The following KRT2 variants were observed in gnomAD, a reference collection of about 807,000 sequenced individuals.
KRT2 encodes keratin 2, also known as keratin, type II cytoskeletal 2 epidermal.
A neutral mutation model predicts 48.5 loss-of-function variants in KRT2; 37 were observed. The ratio of observed to expected loss-of-function variants is 0.76; its 90% CI spans 0.59 to 1.00. The LOEUF (loss-of-function observed/expected upper bound fraction) is 1.00, where lower values mean the gene tolerates loss of function less well. Ranked by LOEUF, KRT2 falls within the 50% of genes least tolerant of loss-of-function variation. The probability of loss-of-function intolerance (pLI) is 0.00; values close to 1 mark genes in which losing one functional copy is unlikely to be tolerated. For synonymous variants in KRT2, 324 were observed against 312.2 expected (o/e 1.04, Z -0.40); for missense variants, 880 against 815.2 (o/e 1.08, Z -0.97).
At position 52,647,797 on chromosome 12, in the gene KRT2, A is replaced by G; in HGVS notation, c.1181T>C (p.Ile394Thr). 4 of 1,614,076 alleles carry G rather than the reference A, an allele frequency of 2.5e-6. No individual in the cohort carries two copies. Among genetic ancestry groups the G allele is most frequent in the Non-Finnish European group, 3.4e-6 (4 of 1,180,002 alleles). The part of the protein sequence containing the change: ...RHGDSLKEIK[I>T]EISELNRVIQ... ...CACGCGGTTCAGCTCGCTGATCTCT[A>G]TCTTGATCTCTTTCAGGCTGTCTCC... Residue 394 changes from isoleucine to threonine, a missense_variant, in exon 6 of 9, where the codon ATA becomes ACA. Transcript: ENST00000309680.
In KRT2 at chr12:52,645,584, G is replaced by GA; in HGVS notation, c.1470-16dup. Reference sequence around the variant, plus strand: ...CTCCAGACATCCTGTAAGGGAGAGAGAAAAAACAAGTTGTGGTGGAACACT... The same window carrying GA: ...CTCCAGACATCCTGTAAGGGAGAGAGAAAAAAACAAGTTGTGGTGGAACACT... On this transcript the variant is annotated splice_polypyrimidine_tract_variant and intron_variant, in intron 7 of 8. Transcript: ENST00000309680. 6.2e-7 allele frequency: 1 copy of GA among 1,613,842 alleles called. No individual in the cohort carries two copies. Among genetic ancestry groups the GA allele is most frequent in the Non-Finnish European group, 8.5e-7 (1 of 1,179,744 alleles).
intron 7 of KRT2, 50 bp from the exon 8 acceptor site, chr12:52,645,619 T>C (rs767671794): frequency 2.5e-6 from 4 of 1,592,778 alleles, no homozygotes; most frequent in African/African-American, 1.3e-5. Flanking sequence ...TTAGGTTCTG[T>C]ATGCATGTTG....
Position 52,650,506 on chromosome 12 carries a change from C to G in KRT2, c.633G>C (p.Glu211Asp). 1 of 1,613,280 alleles carries G rather than the reference C, an allele frequency of 6.2e-7. No individual in the cohort carries two copies. Residue 211 changes from glutamate to aspartate, a missense_variant, in exon 2 of 9, where the codon GAG (glutamate) becomes GAC (aspartate). Coordinates refer to ENST00000309680, the MANE Select transcript of KRT2 (RefSeq NM_000423.3). Reference protein sequence around the residue: ...QQNQVLQTKWELLQQMNVGTR... With the variant: ...QQNQVLQTKWDLLQQMNVGTR... ...TGCCAACATTCATTTGTTGTAGCAG[C>G]TCCCATTTGGTCTGTAACACCTGGT...
At position 52,648,006 on chromosome 12, in the gene KRT2, T is replaced by C. The variant is rs1337276159; in HGVS notation, c.1123-151A>G. The C allele has an allele frequency of 4.8e-6, 6 of 1,261,410 alleles. No homozygotes were observed. In the African/African-American group the frequency reaches 8.8e-5, roughly 19 times the overall value. The allele number at this position is 1,261,410 out of a possible 1,614,324, so 78.1% of individuals were successfully genotyped here. ...GCATTCATGAGAGGTAGGGACTGTC[T>C]CACATGCCCAAAAGGACTTGGTGCC... On this transcript the variant is annotated intron_variant, in intron 5 of 8. Coordinates refer to ENST00000309680, the MANE Select transcript of KRT2 (RefSeq NM_000423.3).
intron 2 of KRT2, 50 bp downstream of exon 2, chr12:52,650,288 AT>A: frequency 6.7e-7 from 1 of 1,493,696 alleles, no homozygotes; most frequent in Non-Finnish European, 9.3e-7. Flanking sequence ...GAGTGATCAA[AT>A]GGCTCAGTGC....
At chr12:52,649,550 G>T (rs559406132) in intron 3 of KRT2, among the ~76,000 whole-genome samples, 23 of 152,272 alleles carry the variant, frequency 1.5e-4, no homozygotes, top group Non-Finnish European at 3.2e-4. Flanking sequence ...TCAAACCTTT[G>T]TCAGCACAAC....
intron 1 of KRT2, among the ~76,000 whole-genome samples, 200 bp downstream of exon 1, chr12:52,651,358 A>G (rs530049664): frequency 6.6e-6 from 1 of 152,320 alleles, no homozygotes; most frequent in Non-Finnish European, 1.5e-5. Context: ...AAAGGGACAA[A>G]TGCTTCCTAA....
In KRT2 at chr12:52,650,570, G is replaced by T; in HGVS notation, c.586-17C>A. ...GAACCGCACCTGCCATGACCAGAAG[G>T]AGAGCACATGAGTTCTAGATCATCC... On this transcript the variant is annotated splice_polypyrimidine_tract_variant and intron_variant, in intron 1 of 8. Transcript: ENST00000309680. 6.2e-7 allele frequency: 1 copy of T among 1,602,030 alleles called. No homozygotes were observed. The highest frequency in any genetic ancestry group is 1.1e-5 in the South Asian group (1 of 90,756).
At chr12:52,648,779 G>A (rs1266746617) in intron 4 of KRT2, among the ~76,000 whole-genome samples, 2 of 152,156 alleles carry the variant, frequency 1.3e-5, no homozygotes, top group African/African-American at 4.8e-5. Context: ...GGAGGGAGGG[G>A]AAGCTGTCCT....
At position 52,646,935 on chromosome 12, in the gene KRT2, G is replaced by C. The variant is rs779620526; in HGVS notation, c.1274C>G (p.Ala425Gly). The C allele has an allele frequency of 6.7e-5, 108 of 1,613,998 alleles. No individual in the cohort carries two copies. Among genetic ancestry groups the C allele is most frequent in the Non-Finnish European group, 3.3e-5 (39 of 1,180,000 alleles). ...ATGCTCCCCACGCTGCTCGGCATCT[G>C]CGATGGCATCTTGCACATTCTTACA... ...KQCKNVQDAI[A>G]DAEQRGEHAL... Residue 425 changes from alanine (A) to glycine (G), a missense_variant, in exon 7 of 9, where the codon GCA becomes GGA. Coordinates refer to ENST00000309680, the MANE Select transcript of KRT2 (RefSeq NM_000423.3).
intron 5 of KRT2, 110 bp downstream of exon 5, chr12:52,648,063 C>T: frequency 7.5e-7 from 1 of 1,340,198 alleles, no homozygotes. Flanking sequence ...GAATGGTGCC[C>T]AACTACCATT....
chr12:52,646,669 C>T, intron 7 of KRT2, 71 bp downstream of exon 7: 1 of 1,556,550 alleles, frequency 6.4e-7, no homozygotes, highest in Non-Finnish European at 8.8e-7. Context: ...CCTGTCTTTG[C>T]CTCCAGCCCT....
chr12:52,652,039 C>A lies in KRT2; in HGVS notation c.104G>T (p.Arg35Ile). The A allele has an allele frequency of 6.2e-7, 1 of 1,606,280 alleles. No individual in the cohort carries two copies. Among genetic ancestry groups the A allele is most frequent in the Non-Finnish European group, 8.5e-7 (1 of 1,179,914 alleles). The change falls in exon 1 of 9, where the codon AGA becomes ATA. Residue 35 changes from arginine (R) to isoleucine (I), a missense_variant. Arg to Ile is a moderately conservative substitution (Grantham distance 97). Transcript: ENST00000309680. ...GSAVVSGGSR[R>I]STSSFSCLSR... ...CAAGCAGGAGAAGCTGGAAGTTGAT[C>A]TCCGGCTTCCACCAGACACCACAGC...
chr12:52,646,613 T>A, intron 7 of KRT2, 127 bp downstream of exon 7: 1 of 960,172 alleles, frequency 1.0e-6, no homozygotes, highest in Non-Finnish European at 1.6e-6. Flanking sequence ...ACACAGAGAA[T>A]GTCAGTTCTC....
intron 4 of KRT2, among the ~76,000 whole-genome samples, chr12:52,648,585 C>A (rs779841349): frequency 6.6e-6 from 1 of 152,122 alleles, no homozygotes; most frequent in Non-Finnish European, 1.5e-5. Context: ...GGTAAGTGCC[C>A]CCAGACAGAA....
chr12:52,648,083 A>C (rs1941195109), intron 5 of KRT2, 90 bp downstream of exon 5: 2 of 1,468,094 alleles, frequency 1.4e-6, no homozygotes, highest in East Asian at 2.3e-5. Flanking sequence ...TAAACAAAAA[A>C]CCAATAACCT....
chr12:52,647,134 C>A (rs1278334587), intron 6 of KRT2, among the ~76,000 whole-genome samples, 174 bp from the exon 7 acceptor site: 1 of 152,228 alleles, frequency 6.6e-6, no homozygotes, highest in Non-Finnish European at 1.5e-5. Flanking sequence ...ATCTTCTTCC[C>A]ATGTCACCGT....
rs374913826 is a variant in KRT2 at position 52,645,561 on chromosome 12, C to A, written c.1478G>T (p.Gly493Val). 1.2e-4 allele frequency: 190 copies of A among 1,614,062 alleles called. No individual in the cohort carries two copies. The highest frequency in any genetic ancestry group is 1.5e-4 in the Non-Finnish European group (178 of 1,180,020). ...CACAGTCACATTGCTGCTGAGGTCT[C>A]CAGACATCCTGTAAGGGAGAGAGAA... ...LLEGEECRMS[G>V]DLSSNVTVSV... The change falls in exon 8 of 9, where the codon GGA becomes GTA. Residue 493 changes from glycine to valine, a missense_variant. Coordinates refer to ENST00000309680, the MANE Select transcript of KRT2 (RefSeq NM_000423.3).
intron 6 of KRT2, 54 bp downstream of exon 6, chr12:52,647,676 C>G: frequency 6.2e-7 from 1 of 1,605,466 alleles, no homozygotes; most frequent in South Asian, 1.1e-5. Context: ...ACCACACTCT[C>G]ACGCACACCC....
Sources: gnomAD v4.1 joint callset for allele counts (sites outside exome capture counted in the v4.1 genomes callset) on GRCh38, gnomAD v4.1.1 for gene constraint, MANE v1.5 for transcripts, NCBI Gene and HGNC (gene_info 2026-07-23, HGNC 2026-07-21) for gene names.